Variants in GRIA1 observed in about 807,000 individuals in gnomAD.
The protein encoded by GRIA1 is glutamate ionotropic receptor AMPA type subunit 1, also known as glutamate receptor 1.
A neutral mutation model predicts 99.2 loss-of-function variants in GRIA1; 31 were observed. The ratio of observed to expected loss-of-function variants is 0.31; its 90% CI spans 0.23 to 0.42. The LOEUF (loss-of-function observed/expected upper bound fraction) is 0.42. Among genes scored for constraint, GRIA1 ranks in the 10% least tolerant of loss-of-function variants. The probability of loss-of-function intolerance (pLI) is 1.00; values close to 1 mark genes in which losing one functional copy is unlikely to be tolerated. For synonymous variants in GRIA1, 438 were observed against 432.4 expected, an observed-to-expected ratio of 1.01 and a Z score of -0.16; for missense variants, 782 against 1,157.5, an observed-to-expected ratio of 0.68 and a Z score of 4.71.
intron 4 of GRIA1, among the ~76,000 whole-genome samples, chr5:153,655,396 G>A (rs947787038): frequency 4.6e-5 from 7 of 152,114 alleles, no homozygotes; most frequent in African/African-American, 7.2e-5. Context: ...TCCAATCAGC[G>A]AATATTGTCA....
At chr5:153,712,090 G>T (rs1488728235) in intron 11 of GRIA1, among the ~76,000 whole-genome samples, 1 of 151,966 alleles carries the variant, frequency 6.6e-6, no homozygotes, top group Non-Finnish European at 1.5e-5. Flanking sequence ...TTGCTCTGTT[G>T]CCCAGAGCTG....
At chr5:153,536,195 T>C (rs1758555216) in intron 2 of GRIA1, among the ~76,000 whole-genome samples, 1 of 152,106 alleles carries the variant, frequency 6.6e-6, no homozygotes, top group Admixed American at 6.5e-5. Flanking sequence ...TTTCCCTCAT[T>C]TCCCTCCTGT....
intron 2 of GRIA1, among the ~76,000 whole-genome samples, chr5:153,604,113 T>C (rs1765243884): frequency 6.6e-6 from 1 of 151,916 alleles, no homozygotes; most frequent in East Asian, 1.9e-4. Flanking sequence ...CTAAAATTTC[T>C]CCCTGGAGCT....
intron 11 of GRIA1, among the ~76,000 whole-genome samples, chr5:153,762,842 T>C (rs144942448): frequency 6.6e-6 from 1 of 152,208 alleles, no homozygotes; most frequent in Non-Finnish European, 1.5e-5. Flanking sequence ...ATCAAAAATA[T>C]CTTCCTCATA....
intron 8 of GRIA1, among the ~76,000 whole-genome samples, chr5:153,695,638 C>A (rs1268324280): frequency 2.0e-5 from 3 of 152,224 alleles, no homozygotes; most frequent in African/African-American, 7.2e-5. Context: ...CAAAATGATT[C>A]TTCAGTCCCC....
At position 153,802,367 on chromosome 5, in the gene GRIA1, C is replaced by T. The variant is rs140534681; in HGVS notation, c.2397C>T (p.Ser799=). The stretch of plus-strand genomic sequence containing the variant: ...CCTCCTCTTCTTAGGACAAGACAAG[C>T]GCTCTGAGCCTCAGCAATGTGGCAG... ...SGGGDSKDKT[S]ALSLSNVAGV... is the part of the protein sequence containing the mutation. The change falls in exon 15 of 16, where the codon AGC becomes AGT. Residue 799 remains serine, a synonymous_variant. Coordinates refer to ENST00000285900, the MANE Select transcript of GRIA1 (RefSeq NM_000827.4). The T allele has an allele frequency of 9.9e-5, 160 of 1,613,712 alleles. No homozygotes were observed. The highest frequency in any genetic ancestry group is 1.6e-4 in the Middle Eastern group (1 of 6,084).
rs141487066 is a variant in GRIA1 at position 153,601,883 on chromosome 5, A to G, written c.221-45045A>G. Among the ~76,000 whole-genome samples the G allele has an allele frequency of 4.9e-3, 753 of 152,304 alleles. 5 individuals carry two copies. Among genetic ancestry groups the G allele is most frequent in the African/African-American group, 0.017 (706 of 41,560 alleles). On this transcript the variant is annotated intron_variant, in intron 2 of 15. Transcript: ENST00000285900. Reference sequence around the variant, plus strand: ...ATTGTGAACTTGCTATGTGCCTAGTATTGGCCAGGAGATGCCTCCAGGGCT... The same window carrying G: ...ATTGTGAACTTGCTATGTGCCTAGTGTTGGCCAGGAGATGCCTCCAGGGCT...
At chr5:153,666,393 T>C (rs1256682016) in intron 5 of GRIA1, among the ~76,000 whole-genome samples, 1 of 152,134 alleles carries the variant, frequency 6.6e-6, no homozygotes, top group African/African-American at 2.4e-5. Context: ...TGGTTCACAT[T>C]TCAAGTACCA....
At chr5:153,603,745 AG>A (rs986590346) in intron 2 of GRIA1, among the ~76,000 whole-genome samples, 1 of 152,202 alleles carries the variant, frequency 6.6e-6, no homozygotes, top group Admixed American at 6.5e-5. Flanking sequence ...GTGAACAAGA[AG>A]GGACTGATCA....
intron 4 of GRIA1, among the ~76,000 whole-genome samples, chr5:153,654,755 A>G (rs1336420259): frequency 1.3e-5 from 2 of 152,198 alleles, no homozygotes; most frequent in South Asian, 2.1e-4. Context: ...ATCATCTGTT[A>G]TATGTCTCCT....
intron 5 of GRIA1, among the ~76,000 whole-genome samples, chr5:153,668,099 C>T (rs1417161948): frequency 1.3e-5 from 2 of 151,766 alleles, no homozygotes; most frequent in Non-Finnish European, 2.9e-5. Flanking sequence ...CACTATTCCC[C>T]TCTTTGGGCC....
At chr5:153,792,187 G>A (rs1038753179) in intron 13 of GRIA1, among the ~76,000 whole-genome samples, 1 of 152,136 alleles carries the variant, frequency 6.6e-6, no homozygotes, top group African/African-American at 2.4e-5. Flanking sequence ...ACAGTCCCTT[G>A]TTGGACCTGA....
Position 153,593,292 on chromosome 5 carries a change from C to A in GRIA1, c.221-53636C>A, listed in dbSNP as rs139277306. Among the ~76,000 whole-genome samples, 1,488 of 152,100 alleles carry A rather than the reference C, an allele frequency of 9.8e-3. 24 individuals carry two copies. Among genetic ancestry groups the A allele is most frequent in the African/African-American group, 0.034 (1,410 of 41,488 alleles). On this transcript the variant is annotated intron_variant, in intron 2 of 15. Coordinates refer to ENST00000285900, the MANE Select transcript of GRIA1 (RefSeq NM_000827.4). ...AAAAAAATAAAAAATAATAATAAAT[C>A]TGATTACCCCCCAAAGACTCCATCT...
At chr5:153,661,918 A>G (rs566806908) in intron 5 of GRIA1, among the ~76,000 whole-genome samples, 1 of 152,316 alleles carries the variant, frequency 6.6e-6, no homozygotes, top group South Asian at 2.1e-4. Context: ...CATCAGGTTC[A>G]TGCTTGAATA....
chr5:153,509,183 G>A (rs1448559954), intron 2 of GRIA1, among the ~76,000 whole-genome samples: 2 of 152,178 alleles, frequency 1.3e-5, no homozygotes, highest in African/African-American at 2.4e-5. Flanking sequence ...AACACAGAGG[G>A]GACTGGGGAG....
intron 2 of GRIA1, among the ~76,000 whole-genome samples, chr5:153,509,140 A>G (rs1262316006): frequency 6.6e-6 from 1 of 152,240 alleles, no homozygotes; most frequent in African/African-American, 2.4e-5. Flanking sequence ...GACAAAAGGC[A>G]TAGATGTGTA....
chr5:153,494,522 T>A (rs527622081), intron 2 of GRIA1, among the ~76,000 whole-genome samples: 4 of 152,350 alleles, frequency 2.6e-5, no homozygotes, highest in Middle Eastern at 3.4e-3. Context: ...GTTGTACACA[T>A]CTGGTTCTTC....
intron 11 of GRIA1, among the ~76,000 whole-genome samples, chr5:153,743,534 C>T (rs184025496): frequency 3.3e-5 from 5 of 152,306 alleles, no homozygotes; most frequent in Admixed American, 2.6e-4. Flanking sequence ...CTGGGGACCA[C>T]TCTCAGTTTC....
intron 2 of GRIA1, among the ~76,000 whole-genome samples, chr5:153,519,294 G>A (rs986042867): frequency 2.6e-5 from 4 of 151,886 alleles, no homozygotes; most frequent in South Asian, 2.1e-4. Flanking sequence ...ATGCCAATTC[G>A]AGGGTCTCAG....
Sources: gnomAD v4.1 joint callset for allele counts (sites outside exome capture counted in the v4.1 genomes callset) on GRCh38, gnomAD v4.1.1 for gene constraint, MANE v1.5 for transcripts, NCBI Gene and HGNC (gene_info 2026-07-23, HGNC 2026-07-21) for gene names.